Variants in OTUD7B observed in about 807,000 individuals in gnomAD.
OTUD7B encodes the protein OTU domain-containing protein 7B.
A neutral mutation model predicts 82.2 loss-of-function variants in OTUD7B; 34 were observed. That is an observed-to-expected ratio of 0.41 (90% CI 0.31 to 0.55). OTUD7B has a LOEUF of 0.55. Among genes scored for constraint, OTUD7B ranks in the 20% least tolerant of loss-of-function variants. The pLI is 0.20. For missense variants in OTUD7B, 944 were observed against 1,062.1 expected (o/e 0.89, Z 1.55); for synonymous variants, 398 against 402.7 (o/e 0.99, Z 0.14).
intron 2 of OTUD7B, among the ~76,000 whole-genome samples, chr1:149,974,939 C>T (rs1202717883): frequency 2.0e-5 from 3 of 151,712 alleles, no homozygotes; most frequent in South Asian, 4.2e-4. Flanking sequence ...ATTAAGCGAC[C>T]GTCCCACCTC....
intron 7 of OTUD7B, among the ~76,000 whole-genome samples, chr1:149,954,014 G>A (rs587697175): frequency 1.7e-3 from 260 of 152,110 alleles, no homozygotes; most frequent in African/African-American, 6.0e-3. Flanking sequence ...TGACTTTCTC[G>A]TTTCCTAATT....
intron 1 of OTUD7B, among the ~76,000 whole-genome samples, chr1:150,000,494 C>A (rs927152564): frequency 1.6e-4 from 24 of 149,778 alleles, no homozygotes; most frequent in African/African-American, 5.4e-4. Flanking sequence ...AAACAAAAAA[C>A]AAACAAACAA....
chr1:150,026,636 G>A, the OTUD7B span, among the ~76,000 whole-genome samples: 3 of 152,078 alleles, frequency 2.0e-5, no homozygotes, highest in Admixed American at 2.0e-4. Context: ...AATTTTTCTC[G>A]GGTTACAAGG....
chr1:149,969,619 A>G (rs1413428548), intron 3 of OTUD7B, among the ~76,000 whole-genome samples: 2 of 152,220 alleles, frequency 1.3e-5, no homozygotes, highest in Non-Finnish European at 2.9e-5. Context: ...CTAAAAATGC[A>G]TGTACAGCTT....
At chr1:149,958,396 C>T (rs1182524304) in intron 7 of OTUD7B, among the ~76,000 whole-genome samples, 3 of 114,722 alleles carry the variant, frequency 2.6e-5, no homozygotes, top group East Asian at 6.2e-4. Context: ...GGCACGAACT[C>T]GGCTGACTAC....
At chr1:149,997,758 T>C (rs1402637930) in intron 1 of OTUD7B, among the ~76,000 whole-genome samples, 1 of 152,210 alleles carries the variant, frequency 6.6e-6, no homozygotes, top group Non-Finnish European at 1.5e-5. Flanking sequence ...TGAAACAGCT[T>C]GTGGTTAAAC....
rs1349804355 is a variant in OTUD7B at position 149,941,540 on chromosome 1, AG to A, written c.*2316del. 6.6e-6 allele frequency: 1 copy of A among 152,242 alleles called. No homozygotes were observed. The highest frequency in any genetic ancestry group is 1.5e-5 in the Non-Finnish European group (1 of 68,036). 9.4% of individuals were successfully genotyped at this position (152,242 alleles called of 1,614,324 possible). Reference sequence around the variant, plus strand: ...GCACTCACCTTGGGCACAAAATTTAAGGAGTGCCAAAAAACCCAGTAACCAA... The same window carrying A: ...GCACTCACCTTGGGCACAAAATTTAAGAGTGCCAAAAAACCCAGTAACCAA... On this transcript the variant is annotated 3_prime_UTR_variant, in exon 12 of 12. Coordinates refer to ENST00000581312, the MANE Select transcript of OTUD7B (RefSeq NM_020205.4).
Position 149,964,333 on chromosome 1 carries a change from A to G in OTUD7B, c.621T>C (p.His207=), listed in dbSNP as rs1553776093. ...CTTTCCGCAGCATCAAGTCCCGATC[A>G]TGGAAACCCCACATTCCTGTGGCAA... ...HAASLGMWGF[H]DRDLMLRKAL... The change falls in exon 6 of 12, where the codon CAT becomes CAC. Residue 207 remains histidine, a synonymous_variant. Transcript: ENST00000581312. The G allele has an allele frequency of 1.2e-6, 2 of 1,613,746 alleles. No homozygotes were observed. Among genetic ancestry groups the G allele is most frequent in the Non-Finnish European group, 1.7e-6 (2 of 1,179,886 alleles).
At chr1:149,962,485 C>G (rs1379989605) in intron 6 of OTUD7B, 4 of 152,102 alleles carry the variant, frequency 2.6e-5, no homozygotes, top group Admixed American at 1.3e-4. Context: ...CTGTGCTGAG[C>G]AAAAGGACTA....
rs182100694 is a variant in OTUD7B at position 149,979,100 on chromosome 1, G to A, written c.-66-1524C>T. ...CTAATAGTACAAGAGATCCATGAGC[G>A]CAGGGACACGATTTCTTCATTTTTG... On this transcript the variant is annotated intron_variant, in intron 1 of 11. Transcript: ENST00000581312. 2.6e-4 allele frequency among the ~76,000 whole-genome samples: 39 copies of A among 151,662 alleles called. No individual in the cohort carries two copies. In the East Asian group the frequency reaches 7.4e-3, roughly 29 times the overall value.
intron 1 of OTUD7B, among the ~76,000 whole-genome samples, chr1:149,994,378 C>T (rs1651788098): frequency 6.6e-6 from 1 of 151,828 alleles, no homozygotes; most frequent in Non-Finnish European, 1.5e-5. Context: ...GTCAAGAGAT[C>T]GAGACCATCC....
In OTUD7B at chr1:149,949,754, C is replaced by T. The variant is rs1445792371; in HGVS notation, c.998G>A (p.Gly333Glu). ...TGGGACCTCCAAAGGCAGATAGATT[C>T]CTCCAAAGGGAATAGGGGCAAATGC... ...GEAFAPIPFGGIYLPLEVPAS... is the reference protein window; with the variant it reads ...GEAFAPIPFGEIYLPLEVPAS... Residue 333 changes from glycine (G) to glutamate (E), a missense_variant, in exon 9 of 12, where the codon GGA (glycine) becomes GAA (glutamate). This residue lies in a region of OTUD7B where 530 missense variants were observed against 625.6 expected (regional missense o/e 0.85). Transcript: ENST00000581312. 2 of 1,613,990 alleles carry T rather than the reference C, an allele frequency of 1.2e-6. No individual in the cohort carries two copies. The highest frequency in any genetic ancestry group is 1.7e-6 in the Non-Finnish European group (2 of 1,180,030).
chr1:149,975,114 G>A (rs1650217793), intron 2 of OTUD7B, among the ~76,000 whole-genome samples: 1 of 151,968 alleles, frequency 6.6e-6, no homozygotes, highest in Admixed American at 6.6e-5. Context: ...GCACCTTAGG[G>A]CCCTTGCATA....
chr1:149,971,557 G>A (rs1649939094), intron 2 of OTUD7B, among the ~76,000 whole-genome samples: 1 of 152,072 alleles, frequency 6.6e-6, no homozygotes, highest in South Asian at 2.1e-4. Flanking sequence ...ATAAAGTCTA[G>A]AGAAGTAAAT....
chr1:149,992,423 C>A (rs1651633104), intron 1 of OTUD7B, among the ~76,000 whole-genome samples: 1 of 150,474 alleles, frequency 6.6e-6, no homozygotes, highest in Non-Finnish European at 1.5e-5. Context: ...TATCATACAC[C>A]ATCCAGAAAT....
chr1:149,964,384 G>T, intron 5 of OTUD7B, 35 bp from the exon 6 acceptor site: 1 of 1,597,762 alleles, frequency 6.3e-7, no homozygotes, highest in Non-Finnish European at 8.5e-7. Context: ...AGATACCTCA[G>T]CTTGACTCTG....
chr1:149,981,106 AGAG>A (rs1292545045), intron 1 of OTUD7B, among the ~76,000 whole-genome samples: 2 of 146,220 alleles, frequency 1.4e-5, no homozygotes, highest in Non-Finnish European at 3.0e-5. Context: ...AGGAGGAGGA[AGAG>A]GAGGAGGAGG....
intron 2 of OTUD7B, among the ~76,000 whole-genome samples, chr1:149,973,611 G>A (rs1410689137): frequency 6.6e-6 from 1 of 151,192 alleles, no homozygotes; most frequent in African/African-American, 2.4e-5. Context: ...TCAGCCTCTC[G>A]AGTAACTGGG....
In OTUD7B at chr1:149,947,250, C is replaced by G. The variant is rs1332672435; in HGVS notation, c.1323+1G>C. 18 of 1,574,292 alleles carry G rather than the reference C, an allele frequency of 1.1e-5. No individual in the cohort carries two copies. The highest frequency in any genetic ancestry group is 1.5e-5 in the Non-Finnish European group (17 of 1,143,920). ...AGGGTAGATGTGGGAGAAGTCTTCA[C>G]CTGTGCATCAGAGGACAGTGGGATC... On this transcript the variant is annotated splice_donor_variant, in intron 11 of 11. Transcript: ENST00000581312. LOFTEE classifies it high-confidence loss of function.
Sources: gnomAD v4.1 joint callset for allele counts (sites outside exome capture counted in the v4.1 genomes callset) on GRCh38, gnomAD v4.1.1 for gene constraint, gnomAD v4.1.1 regional missense constraint, MANE v1.5 for transcripts, NCBI Gene and HGNC (gene_info 2026-07-23, HGNC 2026-07-21) for gene names.